WWOX: variants seen among roughly 807,000 people sequenced by gnomAD.
WWOX encodes the protein WW domain containing oxidoreductase.
In WWOX, 69 loss-of-function variants were observed where a neutral mutation model predicts 46.2. The observed-to-expected ratio is 1.49, with a 90% CI of 1.23 to 1.82. The LOEUF (loss-of-function observed/expected upper bound fraction) is 1.82, where lower values mean the gene tolerates loss of function less well. WWOX is among the 40% of genes most tolerant of loss of function. WWOX has a pLI of 0.00. For synonymous variants in WWOX, 359 were observed against 202.6 expected (o/e 1.77, Z -6.56); for missense variants, 919 against 542.6 (o/e 1.69, Z -6.89).
chr16:78,492,535 A>C (rs905160457), intron 8 of WWOX, among the ~76,000 whole-genome samples: 1 of 152,230 alleles, frequency 6.6e-6, no homozygotes, highest in Non-Finnish European at 1.5e-5. Context: ...AACAGCGAGC[A>C]GGAGACAGTC....
At chr16:78,831,932 C>T (rs534845057) in intron 8 of WWOX, among the ~76,000 whole-genome samples, 67 of 152,298 alleles carry the variant, frequency 4.4e-4, no homozygotes, top group African/African-American at 1.6e-3. Context: ...CCTCTTTCCT[C>T]ACTTTTGGTG....
intron 8 of WWOX, among the ~76,000 whole-genome samples, chr16:79,091,047 C>G (rs1050722785): frequency 6.6e-6 from 1 of 152,116 alleles, no homozygotes; most frequent in African/African-American, 2.4e-5. Context: ...ATCGGCCTCC[C>G]AAAGTACTGG....
intron 5 of WWOX, among the ~76,000 whole-genome samples, chr16:78,276,309 A>G (rs1029452598): frequency 6.6e-6 from 1 of 152,226 alleles, no homozygotes; most frequent in Admixed American, 6.5e-5. Context: ...GGTGAGAATC[A>G]GAGTTTATGC....
intron 8 of WWOX, among the ~76,000 whole-genome samples, chr16:78,851,668 C>G (rs1271113571): frequency 1.3e-5 from 2 of 152,154 alleles, no homozygotes; most frequent in East Asian, 3.9e-4. Context: ...TTGGCTGAGG[C>G]AATACGTTTC....
chr16:78,656,107 G>C (rs1316973356), intron 8 of WWOX, among the ~76,000 whole-genome samples: 1 of 152,308 alleles, frequency 6.6e-6, no homozygotes, highest in Non-Finnish European at 1.5e-5. Context: ...GGATGGGGAA[G>C]AATCAAAATT....
chr16:78,621,002 C>T (rs1459628099), intron 8 of WWOX, among the ~76,000 whole-genome samples: 3 of 152,012 alleles, frequency 2.0e-5, no homozygotes, highest in Admixed American at 6.6e-5. Flanking sequence ...CAAAATAATC[C>T]AACTCAAAGG....
At position 79,211,884 on chromosome 16, in the gene WWOX, C is replaced by T; in HGVS notation, c.*88C>T. Reference sequence around the variant, plus strand: ...AGGGCTGGGCCCCTTCCAAATGTCCCTCCAACACAGATCCGCAAGAGTAAA... The same window carrying T: ...AGGGCTGGGCCCCTTCCAAATGTCCTTCCAACACAGATCCGCAAGAGTAAA... On this transcript the variant is annotated 3_prime_UTR_variant, in exon 9 of 9. Coordinates refer to ENST00000566780, the MANE Select transcript of WWOX (RefSeq NM_016373.4). The T allele has an allele frequency of 6.3e-7, 1 of 1,582,174 alleles. No individual in the cohort carries two copies. The highest frequency in any genetic ancestry group is 8.6e-7 in the Non-Finnish European group (1 of 1,166,530).
intron 8 of WWOX, among the ~76,000 whole-genome samples, chr16:78,851,290 C>T (rs955905072): frequency 1.3e-5 from 2 of 152,108 alleles, no homozygotes; most frequent in East Asian, 1.9e-4. Context: ...TCAACAGGAG[C>T]TATAATTATC....
intron 5 of WWOX, among the ~76,000 whole-genome samples, chr16:78,372,231 C>G (rs993498346): frequency 6.6e-6 from 1 of 152,172 alleles, no homozygotes; most frequent in Non-Finnish European, 1.5e-5. Flanking sequence ...ATTCACTTTT[C>G]TTCCAAAGGC....
At chr16:79,118,304 T>C (rs768842999) in intron 8 of WWOX, among the ~76,000 whole-genome samples, 21 of 152,226 alleles carry the variant, frequency 1.4e-4, no homozygotes, top group Non-Finnish European at 2.4e-4. Context: ...TTCATAAATA[T>C]AACATTTATC....
At chr16:78,862,088 G>A (rs1389107470) in intron 8 of WWOX, among the ~76,000 whole-genome samples, 2 of 151,876 alleles carry the variant, frequency 1.3e-5, no homozygotes, top group African/African-American at 2.4e-5. Context: ...ACACACCTAC[G>A]GGTGTGTCTG....
At chr16:78,256,964 T>A (rs1285969296) in intron 5 of WWOX, among the ~76,000 whole-genome samples, 1 of 152,128 alleles carries the variant, frequency 6.6e-6, no homozygotes, top group African/African-American at 2.4e-5. Context: ...CAGGTCTAGA[T>A]GCATTTGCTT....
chr16:78,314,134 C>T (rs985939220), intron 5 of WWOX, among the ~76,000 whole-genome samples: 2 of 152,030 alleles, frequency 1.3e-5, no homozygotes, highest in African/African-American at 2.4e-5. Flanking sequence ...AGGCCGGGCA[C>T]GATGGCTGAC....
intron 8 of WWOX, among the ~76,000 whole-genome samples, chr16:78,644,686 C>A (rs1277370338): frequency 1.3e-5 from 2 of 152,206 alleles, no homozygotes; most frequent in East Asian, 3.9e-4. Context: ...TGGTCTGGAA[C>A]TCCTGAACTC....
At chr16:79,057,229 T>C (rs2048279650) in intron 8 of WWOX, among the ~76,000 whole-genome samples, 1 of 152,198 alleles carries the variant, frequency 6.6e-6, no homozygotes, top group Admixed American at 6.5e-5. Context: ...GGACCTCTTT[T>C]AGGATACATC....
At chr16:79,049,830 G>C (rs937584572) in intron 8 of WWOX, among the ~76,000 whole-genome samples, 11 of 129,184 alleles carry the variant, frequency 8.5e-5, no homozygotes, top group Admixed American at 4.9e-4. Context: ...GTGAGACTCT[G>C]TCTCAAAAAA....
intron 8 of WWOX, among the ~76,000 whole-genome samples, chr16:78,631,601 C>T (rs78653894): frequency 1.3e-5 from 2 of 149,716 alleles, no homozygotes; most frequent in Non-Finnish European, 3.0e-5. Flanking sequence ...CACAGTGGCA[C>T]GATTTTGGCT....
intron 8 of WWOX, among the ~76,000 whole-genome samples, chr16:78,763,337 C>T (rs1235704242): frequency 6.6e-6 from 1 of 152,214 alleles, no homozygotes; most frequent in African/African-American, 2.4e-5. Context: ...TCTTCTTCGA[C>T]CCTCACATGT....
chr16:78,424,405 C>T (rs2083027807), intron 6 of WWOX, among the ~76,000 whole-genome samples: 1 of 152,152 alleles, frequency 6.6e-6, no homozygotes, highest in Non-Finnish European at 1.5e-5. Flanking sequence ...CAGGCGTGAG[C>T]CCCCGCGCCT....
Sources: gnomAD v4.1 joint callset for allele counts (sites outside exome capture counted in the v4.1 genomes callset) on GRCh38, gnomAD v4.1.1 for gene constraint, MANE v1.5 for transcripts, NCBI Gene and HGNC (gene_info 2026-07-23, HGNC 2026-07-21) for gene names.